The following GRAMD1B variants were observed in gnomAD, a reference collection of about 807,000 sequenced individuals.
GRAMD1B encodes the protein protein Aster-B.
Under a neutral mutation model 99.7 loss-of-function variants are expected in GRAMD1B, and 37 were observed. The ratio of observed to expected loss-of-function variants is 0.37; its 90% CI spans 0.29 to 0.49. GRAMD1B has a LOEUF of 0.49. Ranked by LOEUF, GRAMD1B falls within the 20% of genes least tolerant of loss-of-function variation. The pLI is 0.98. For missense variants in GRAMD1B, 888 were observed against 1,009.2 expected (o/e 0.88, Z 1.63); for synonymous variants, 427 against 387.6 (o/e 1.10, Z -1.19).
At chr11:123,460,823 T>C (rs1396603931) in intron 1 of GRAMD1B, among the ~76,000 whole-genome samples, 2 of 152,102 alleles carry the variant, frequency 1.3e-5, no homozygotes, top group Non-Finnish European at 2.9e-5. Flanking sequence ...GGTTGGTCTT[T>C]GATAGGGTTT....
At chr11:123,618,973 C>T in intron 18 of GRAMD1B, 134 bp from the exon 19 acceptor site, 1 of 686,262 alleles carries the variant, frequency 1.5e-6, no homozygotes, top group South Asian at 1.8e-5. Context: ...ATCTGGGGCA[C>T]AGGGGAACCG....
intron 2 of GRAMD1B, among the ~76,000 whole-genome samples, chr11:123,511,830 G>T (rs1471001286): frequency 6.6e-6 from 1 of 152,146 alleles, no homozygotes; most frequent in Non-Finnish European, 1.5e-5. Context: ...CATGTCTCTG[G>T]GAATCATAGA....
chr11:123,434,331 A>C (rs758857562), intron 1 of GRAMD1B, among the ~76,000 whole-genome samples: 1 of 151,958 alleles, frequency 6.6e-6, no homozygotes, highest in African/African-American at 2.4e-5. Flanking sequence ...CGTGTGACTC[A>C]CATCTACTCT....
intron 1 of GRAMD1B, among the ~76,000 whole-genome samples, chr11:123,361,107 C>T (rs558695795): frequency 2.5e-4 from 38 of 152,246 alleles, no homozygotes; most frequent in Non-Finnish European, 4.3e-4. Flanking sequence ...TGAGCCACTG[C>T]GCCTGGCTGA....
chr11:123,510,219 C>T lies in GRAMD1B; in HGVS notation c.452+29326C>T, dbSNP rs1202147352. On this transcript the variant is annotated intron_variant, in intron 2 of 19. Coordinates refer to ENST00000635736, the MANE Select transcript of GRAMD1B (RefSeq NM_001387025.1). This position sits in a 1 kb window ranked among gnomAD's most constrained non-coding sequence, Gnocchi z 4.3. ...CCACCAGCTGCTGACCTTCTCCCTT[C>T]CTGCTCCCCCCGGCTCTTGCTCATT... Among the ~76,000 whole-genome samples the T allele has an allele frequency of 6.6e-6, 1 of 152,150 alleles. No individual in the cohort carries two copies. The highest frequency in any genetic ancestry group is 2.4e-5 in the African/African-American group (1 of 41,432).
At chr11:123,401,752 C>A (rs540535360) in intron 1 of GRAMD1B, among the ~76,000 whole-genome samples, 70 of 152,096 alleles carry the variant, frequency 4.6e-4, no homozygotes, top group African/African-American at 1.5e-3. Flanking sequence ...AAAACAAAAA[C>A]AAAGAAATTA....
intron 3 of GRAMD1B, among the ~76,000 whole-genome samples, chr11:123,579,139 G>A (rs558990064): frequency 1.3e-5 from 2 of 152,356 alleles, no homozygotes; most frequent in Non-Finnish European, 2.9e-5. Context: ...GAGAGATGTG[G>A]CCAGTGCCAG....
At chr11:123,560,572 GC>G (rs1946628615) in intron 2 of GRAMD1B, 2 of 467,626 alleles carry the variant, frequency 4.3e-6, no homozygotes, top group Non-Finnish European at 6.5e-6. Context: ...CCCCGCCCCC[GC>G]CCCCCACTGC....
At chr11:123,418,667 G>C (rs1055064876) in intron 1 of GRAMD1B, among the ~76,000 whole-genome samples, 1 of 152,188 alleles carries the variant, frequency 6.6e-6, no homozygotes, top group Non-Finnish European at 1.5e-5. Flanking sequence ...CACAGTCAGA[G>C]CTGCCCCTAG....
intron 2 of GRAMD1B, among the ~76,000 whole-genome samples, chr11:123,558,078 G>C (rs997177629): frequency 2.0e-5 from 3 of 149,612 alleles, no homozygotes; most frequent in African/African-American, 7.4e-5. Flanking sequence ...CTGCCTCCTA[G>C]GTTCAAGAGA....
chr11:123,615,775 A>G (rs1252550820), intron 17 of GRAMD1B, among the ~76,000 whole-genome samples: 1 of 152,210 alleles, frequency 6.6e-6, no homozygotes, highest in Non-Finnish European at 1.5e-5. Context: ...TCAGATGACA[A>G]GTGTAGGCTG....
At chr11:123,424,735 G>T (rs1211035472) in intron 1 of GRAMD1B, among the ~76,000 whole-genome samples, 1 of 152,052 alleles carries the variant, frequency 6.6e-6, no homozygotes, top group Non-Finnish European at 1.5e-5. Flanking sequence ...TTTTCCTCTA[G>T]TTAAAATTTA....
rs748419559 is a variant in GRAMD1B at position 123,613,537 on chromosome 11, A to C, written c.2106A>C (p.Thr702=). 6.2e-7 allele frequency: 1 copy of C among 1,613,700 alleles called. No homozygotes were observed. The highest frequency in any genetic ancestry group is 8.5e-7 in the Non-Finnish European group (1 of 1,179,760). The change falls in exon 16 of 20, where the codon ACA becomes ACC. Residue 702 remains threonine (T), a synonymous_variant. Transcript: ENST00000635736. The part of the protein sequence containing the change: ...QSPKEKASKT[T]TVRRRKRPHA... ...CCAAAGAGAAGGCCAGCAAGACTAC[A>C]ACGGTGCGGAGGAGGAAGCGTCCCC...
In GRAMD1B at chr11:123,613,668, A is replaced by AGGTG. The variant is rs1953918555; in HGVS notation, c.2227+13_2227+16dup. 6.2e-7 allele frequency: 1 copy of AGGTG among 1,607,402 alleles called. No homozygotes were observed. The highest frequency in any genetic ancestry group is 1.1e-5 in the South Asian group (1 of 90,422). On this transcript the variant is annotated intron_variant, in intron 16 of 19. Transcript: ENST00000635736. ...ATCAAACATGTGGCAGGTGTGTGCC[A>AGGTG]GGTGGGGACAGGTCGGGTGGACTAA...
chr11:123,506,323 T>C (rs1293985792), intron 2 of GRAMD1B, among the ~76,000 whole-genome samples: 1 of 151,988 alleles, frequency 6.6e-6, no homozygotes, highest in African/African-American at 2.4e-5. Context: ...ACTTGGTGCT[T>C]GTGCTTCCTG....
chr11:123,589,614 T>TTATATATATA lies in GRAMD1B; in HGVS notation c.685-4454_685-4445dup, dbSNP rs71060517. ...ACCTGCCACCATGTGTGGCTAATTT[T>TTATATATATA]TATATATATATATATATATATATTT... On this transcript the variant is annotated intron_variant, in intron 4 of 19. Transcript: ENST00000635736. 1.7e-3 allele frequency among the ~76,000 whole-genome samples: 223 copies of TTATATATATA among 128,250 alleles called. 3 individuals carry two copies. The highest frequency in any genetic ancestry group is 7.5e-3 in the Middle Eastern group (2 of 266). 84.1% of individuals were successfully genotyped at this position (128,250 alleles called of 152,430 possible). A position where few individuals can be genotyped will look rare whatever the true frequency, so the allele number is the denominator to read the frequency against.
chr11:123,618,664 A>G (rs759652906), intron 17 of GRAMD1B, 29 bp from the exon 18 acceptor site: 7 of 1,229,460 alleles, frequency 5.7e-6, no homozygotes, highest in Non-Finnish European at 8.3e-6. Flanking sequence ...CTCACTGCTG[A>G]TGTTTTTTTC....
At chr11:123,429,325 G>A (rs1384928294), upstream of GRAMD1B, among the ~76,000 whole-genome samples, 1 of 152,160 alleles carries the variant, frequency 6.6e-6, no homozygotes, top group Admixed American at 6.5e-5. The surrounding 1 kb of genome is among the most constrained non-coding windows in gnomAD (Gnocchi z 4.0). Context: ...CCCACAGAGA[G>A]CACCTAAATA....
chr11:123,517,113 T>G, intron 2 of GRAMD1B, among the ~76,000 whole-genome samples: 1 of 151,818 alleles, frequency 6.6e-6, no homozygotes, highest in Non-Finnish European at 1.5e-5. Context: ...GGAGACGGGG[T>G]TTCACCATGT....
Sources: gnomAD v4.1 joint callset for allele counts (sites outside exome capture counted in the v4.1 genomes callset) on GRCh38, gnomAD v4.1.1 for gene constraint, Gnocchi (gnomAD v3.1) non-coding constraint, MANE v1.5 for transcripts, NCBI Gene and HGNC (gene_info 2026-07-23, HGNC 2026-07-21) for gene names.